PCDHGA7: variants seen among roughly 807,000 people sequenced by gnomAD.
The protein encoded by PCDHGA7 is protocadherin gamma-A7.
PCDHGA7 carries 44 observed loss-of-function variants against 58.3 expected under a neutral mutation model. The observed-to-expected ratio is 0.75, with a 90% CI of 0.59 to 0.97. The LOEUF is 0.97. Ranked by LOEUF, PCDHGA7 falls within the 50% of genes least tolerant of loss-of-function variation. The pLI is 0.00. For missense variants in PCDHGA7, 1,266 were observed against 1,188.7 expected (o/e 1.06, Z -0.96); for synonymous variants, 516 against 504.2 (o/e 1.02, Z -0.31).
intron 3 of PCDHGA7, among the ~76,000 whole-genome samples, chr5:141,510,553 A>G (rs1471878583): frequency 6.6e-6 from 1 of 152,162 alleles, no homozygotes; most frequent in Non-Finnish European, 1.5e-5. Context: ...TGTTTTGAGC[A>G]CTTACATCTA....
At chr5:141,403,270 T>C (rs1284833810) in intron 1 of PCDHGA7, 2 of 1,613,770 alleles carry the variant, frequency 1.2e-6, no homozygotes, top group African/African-American at 1.3e-5. Flanking sequence ...TGGTGAACTT[T>C]AAAGTCCTGG....
At chr5:141,478,559 A>T (rs938780510) in intron 1 of PCDHGA7, 1 of 1,599,454 alleles carries the variant, frequency 6.3e-7, no homozygotes, top group Non-Finnish European at 8.5e-7. Context: ...AAGGTTTAGC[A>T]AGTCATGCTT....
intron 1 of PCDHGA7, chr5:141,404,247 T>C: frequency 6.2e-7 from 1 of 1,613,870 alleles, no homozygotes; most frequent in Non-Finnish European, 8.5e-7. Flanking sequence ...ACTCCGCCCC[T>C]GTCCACAGAA....
intron 1 of PCDHGA7, chr5:141,398,627 T>C: frequency 6.2e-7 from 1 of 1,614,044 alleles, no homozygotes; most frequent in Non-Finnish European, 8.5e-7. Context: ...TTAAACTCTC[T>C]GCAGAAGTAT....
At chr5:141,404,039 G>A in intron 1 of PCDHGA7, 1 of 1,613,750 alleles carries the variant, frequency 6.2e-7, no homozygotes, top group Non-Finnish European at 8.5e-7. Context: ...CGCACCTCAG[G>A]GAACAGTAAT....
At position 141,383,236 on chromosome 5, in the gene PCDHGA7, A is replaced by G; in HGVS notation, c.337A>G (p.Lys113Glu). Residue 113 changes from lysine to glutamate, a missense_variant, in exon 1 of 4, where the codon AAA becomes GAA. Coordinates refer to ENST00000518325, the MANE Select transcript of PCDHGA7 (RefSeq NM_018920.4). The stretch of plus-strand genomic sequence containing the variant: ...AAACTTTAACATCCTGATGGAAGAT[A>G]AAATGAATCTTTACCCTATAGACGT... ...LVNFNILMED[K>E]MNLYPIDVEI... The G allele has an allele frequency of 6.2e-7, 1 of 1,613,978 alleles. No homozygotes were observed. The highest frequency in any genetic ancestry group is 8.5e-7 in the Non-Finnish European group (1 of 1,179,888).
At chr5:141,422,141 G>A (rs1441509284) in intron 1 of PCDHGA7, 9 of 1,583,068 alleles carry the variant, frequency 5.7e-6, no homozygotes, top group Middle Eastern at 1.7e-4. Context: ...GTTCAAGTAC[G>A]GGGGTCTCTG....
rs1419985074 is a variant in PCDHGA7, at chr5:141,431,009, T to C, written c.2424+45686T>C. On this transcript the variant is annotated intron_variant, in intron 1 of 3. Transcript: ENST00000518325. The surrounding 1 kb of genome is among the most constrained non-coding windows in gnomAD (Gnocchi z 4.8). ...CGCCCTGAATCCGCGCAGCGGCAGC[T>C]TGGTCACGGCGGGCAGGATAGACCG... The C allele has an allele frequency of 3.7e-6, 6 of 1,613,884 alleles. No individual in the cohort carries two copies. Among genetic ancestry groups the C allele is most frequent in the Non-Finnish European group, 5.1e-6 (6 of 1,179,984 alleles).
intron 1 of PCDHGA7, among the ~76,000 whole-genome samples, chr5:141,465,443 C>T (rs979024871): frequency 6.6e-6 from 1 of 152,158 alleles, no homozygotes; most frequent in Non-Finnish European, 1.5e-5. Flanking sequence ...AATGATTACC[C>T]AAGAAAACTC....
At chr5:141,399,670 GCCTTTGACTACGAGCAGCTGCGCA>G (rs758329241) in intron 1 of PCDHGA7, 2 of 1,613,610 alleles carry the variant, frequency 1.2e-6, no homozygotes, top group East Asian at 4.5e-5. Context: ...CGCGCAGCGC[GCCTTTGACTACGAGCAGCTGCGCA>G]CCTTCGAACT....
In PCDHGA7 at chr5:141,419,578, G is replaced by A. The variant is rs1339676992; in HGVS notation, c.2424+34255G>A. The A allele has an allele frequency of 1.9e-6, 3 of 1,611,604 alleles. No individual in the cohort carries two copies. In the Admixed American group the frequency reaches 5.0e-5, roughly 27 times the overall value. On this transcript the variant is annotated intron_variant, in intron 1 of 3. Transcript: ENST00000518325. ...CTGCGCTGGGTCCCGACGGCTCCGC[G>A]CTCTTCGACACAGTGCCGCGGGCCG...
intron 1 of PCDHGA7, chr5:141,387,595 A>C (rs191053839): frequency 6.0e-5 from 32 of 532,776 alleles, no homozygotes; most frequent in Admixed American, 2.6e-4. Flanking sequence ...AACTTGAAGC[A>C]GCAGAGGCTG....
intron 1 of PCDHGA7, chr5:141,410,555 C>G: frequency 1.2e-6 from 2 of 1,613,202 alleles, no homozygotes; most frequent in Non-Finnish European, 1.7e-6. Flanking sequence ...CAGTGTTTCT[C>G]CTGGAGCCTT....
chr5:141,423,141 G>A, intron 1 of PCDHGA7: 1 of 1,613,580 alleles, frequency 6.2e-7, no homozygotes, highest in Non-Finnish European at 8.5e-7. Context: ...ACAGAGACGC[G>A]CTCAAGCAGA....
chr5:141,395,364 A>G, intron 1 of PCDHGA7: 1 of 1,264,440 alleles, frequency 7.9e-7, no homozygotes, highest in Non-Finnish European at 1.1e-6. Flanking sequence ...TTTTGGGTTT[A>G]TTTTGGTGGT....
chr5:141,439,445 G>T (rs1030957687), intron 1 of PCDHGA7, among the ~76,000 whole-genome samples: 1 of 152,102 alleles, frequency 6.6e-6, no homozygotes, highest in Non-Finnish European at 1.5e-5. Context: ...ATTTTATTGC[G>T]GGAGCAAGAC....
chr5:141,458,165 A>T lies in PCDHGA7; in HGVS notation c.2425-36642A>T, dbSNP rs10075475. On this transcript the variant is annotated intron_variant, in intron 1 of 3. Coordinates refer to ENST00000518325, the MANE Select transcript of PCDHGA7 (RefSeq NM_018920.4). Reference sequence around the variant, plus strand: ...TGAACATGCTCCAAATTTTGTTCACAGTAGTATACCTTACTTGATTATTAA... The same window carrying T: ...TGAACATGCTCCAAATTTTGTTCACTGTAGTATACCTTACTTGATTATTAA... Among the ~76,000 whole-genome samples the T allele has an allele frequency of 2.4e-3, 368 of 152,356 alleles. 2 individuals carry two copies. The highest frequency in any genetic ancestry group is 8.5e-3 in the African/African-American group (354 of 41,588).
intron 2 of PCDHGA7, among the ~76,000 whole-genome samples, chr5:141,503,700 C>G (rs2099828974): frequency 6.6e-6 from 1 of 152,016 alleles, no homozygotes; most frequent in Non-Finnish European, 1.5e-5. Flanking sequence ...GAGATTCCTG[C>G]TTTCCCCTTC....
rs532502013 is a variant in PCDHGA7 at position 141,404,723 on chromosome 5, G to A, written c.2424+19400G>A. 3.1e-6 allele frequency: 5 copies of A among 1,614,094 alleles called. No individual in the cohort carries two copies. Among genetic ancestry groups the A allele is most frequent in the Middle Eastern group, 1.6e-4 (1 of 6,062 alleles). On this transcript the variant is annotated intron_variant, in intron 1 of 3. Coordinates refer to ENST00000518325, the MANE Select transcript of PCDHGA7 (RefSeq NM_018920.4). ...AGAGCCTGGCTACCTGGTGACCAAG[G>A]TGGTGGCAGTGGACAGAGACTCAGG...
Sources: allele counts gnomAD v4.1 joint callset (sites outside exome capture counted in the v4.1 genomes callset), GRCh38; gene constraint gnomAD v4.1.1; non-coding constraint Gnocchi (gnomAD v3.1); transcripts MANE v1.5; gene names NCBI Gene and HGNC (gene_info 2026-07-23, HGNC 2026-07-21).